LPIN1: variants seen among roughly 807,000 people sequenced by gnomAD.
The protein encoded by LPIN1 is lipin 1.
Under a neutral mutation model 107.5 loss-of-function variants are expected in LPIN1, and 71 were observed. The observed-to-expected ratio is 0.66, with a 90% CI of 0.55 to 0.80. The LOEUF (loss-of-function observed/expected upper bound fraction) is 0.80, where lower values mean the gene tolerates loss of function less well. Among genes scored for constraint, LPIN1 ranks in the 30% least tolerant of loss-of-function variants. LPIN1 has a pLI of 0.00. For synonymous variants in LPIN1, 445 were observed against 452.6 expected, an observed-to-expected ratio of 0.98 and a Z score of 0.21; for missense variants, 1,043 against 1,160.6, an observed-to-expected ratio of 0.90 and a Z score of 1.47.
At position 11,760,708 on chromosome 2, in the gene LPIN1, A is replaced by G. The variant is rs1426558115; in HGVS notation, c.-9-4825A>G. Among the ~76,000 whole-genome samples, 4 of 149,830 alleles carry G rather than the reference A, an allele frequency of 2.7e-5. No individual in the cohort carries two copies. In the East Asian group the frequency reaches 8.2e-4, roughly 31 times the overall value. Reference sequence around the variant, plus strand: ...GGGAGACGGTGGGGAGAGGGAGACCATGGGGAGGGGGAGGGGGAGGTTTCT... The same window carrying G: ...GGGAGACGGTGGGGAGAGGGAGACCGTGGGGAGGGGGAGGGGGAGGTTTCT... On this transcript the variant is annotated intron_variant, in intron 1 of 20. Coordinates refer to ENST00000674199, the MANE Select transcript of LPIN1 (RefSeq NM_001349206.2).
At chr2:11,815,892 A>G (rs2148724185) in intron 18 of LPIN1, among the ~76,000 whole-genome samples, 1 of 152,328 alleles carries the variant, frequency 6.6e-6, no homozygotes, top group East Asian at 1.9e-4. Context: ...AGTTGGAGGA[A>G]GAAAACACTG....
At chr2:11,784,429 G>A (rs917593686) in intron 9 of LPIN1, 90 of 1,117,948 alleles carry the variant, frequency 8.1e-5, no homozygotes, top group Non-Finnish European at 9.6e-5. Flanking sequence ...CTGGACAGGG[G>A]CGCAGCACCG....
upstream of LPIN1, among the ~76,000 whole-genome samples, chr2:11,743,642 T>C (rs994461676): frequency 3.9e-5 from 6 of 152,200 alleles, no homozygotes; most frequent in Non-Finnish European, 7.3e-5. The surrounding 1 kb of genome is among the most constrained non-coding windows in gnomAD (Gnocchi z 4.7). Context: ...CCCCAGGCAC[T>C]GGTGCCAGGG....
Position 11,684,564 on chromosome 2 carries a change from G to A in LPIN1, c.81+6836G>A, listed in dbSNP as rs147474854. Among the ~76,000 whole-genome samples, 443 of 152,306 alleles carry A rather than the reference G, an allele frequency of 2.9e-3. 2 individuals carry two copies. Among genetic ancestry groups the A allele is most frequent in the African/African-American group, 1.0e-2 (415 of 41,556 alleles). ...TTGGTGCCAAAGTTTTCACTGACCC[G>A]TGGTGAACAAAGAAAATAAGACAAT... is the stretch of plus-strand genomic sequence containing the variant. On this transcript the variant is annotated intron_variant, in intron 1 of 21. Transcript: ENST00000449576.
intron 14 of LPIN1, 82 bp downstream of exon 14, chr2:11,795,569 G>T: frequency 8.1e-7 from 1 of 1,231,572 alleles, no homozygotes; most frequent in South Asian, 1.2e-5. Context: ...ATGCAGATAG[G>T]GTTCACCACA....
chr2:11,805,005 C>A, intron 16 of LPIN1, 65 bp from the exon 17 acceptor site: 1 of 918,448 alleles, frequency 1.1e-6, no homozygotes, highest in Non-Finnish European at 1.8e-6. Context: ...TTTTATGAGG[C>A]ATGAATGGTG....
rs369597448 is a variant in LPIN1 at position 11,773,449 on chromosome 2, T to C, written c.597-171T>C. 4.6e-5 allele frequency among the ~76,000 whole-genome samples: 7 copies of C among 152,248 alleles called. No individual in the cohort carries two copies. In the East Asian group the frequency reaches 1.2e-3, roughly 25 times the overall value. The stretch of plus-strand genomic sequence containing the variant: ...AAGCATTAGCACATAGACACGTTTA[T>C]GGATGCCGGTATCTCACTTTTTCCC... On this transcript the variant is annotated intron_variant, in intron 4 of 20. Transcript: ENST00000674199.
rs577002988 is a variant in LPIN1, at chr2:11,771,833, G to A, written c.596+154G>A. Among the ~76,000 whole-genome samples the A allele has an allele frequency of 2.6e-5, 4 of 152,312 alleles. No homozygotes were observed. In the South Asian group the frequency reaches 6.2e-4, roughly 24 times the overall value. On this transcript the variant is annotated intron_variant, in intron 4 of 20. Coordinates refer to ENST00000674199, the MANE Select transcript of LPIN1 (RefSeq NM_001349206.2). This position sits in a 1 kb window ranked among gnomAD's most constrained non-coding sequence, Gnocchi z 4.8. ...TTTTGGCACTAGGGACCAGTTTTGT[G>A]GAAGACAGTGTTTCCATGGACCAGG...
intron 13 of LPIN1, among the ~76,000 whole-genome samples, chr2:11,795,175 T>C (rs1246167524): frequency 2.0e-5 from 3 of 152,104 alleles, no homozygotes; most frequent in Non-Finnish European, 4.4e-5. Flanking sequence ...AACAGATTCG[T>C]TTCTGTCAAA....
intron 7 of LPIN1, 125 bp downstream of exon 7, chr2:11,779,770 T>A: frequency 4.5e-6 from 5 of 1,117,846 alleles, no homozygotes; most frequent in Non-Finnish European, 6.7e-6. Flanking sequence ...CCAAAATATA[T>A]TAAGGGTTAG....
At chr2:11,824,006 A>C (rs926816605) in intron 20 of LPIN1, among the ~76,000 whole-genome samples, 1 of 152,178 alleles carries the variant, frequency 6.6e-6, no homozygotes, top group Non-Finnish European at 1.5e-5. Context: ...TCATTTAGAT[A>C]CATTTGAGCA....
At chr2:11,725,826 G>A (rs1664584968) in intron 1 of LPIN1, among the ~76,000 whole-genome samples, 1 of 152,092 alleles carries the variant, frequency 6.6e-6, no homozygotes, top group East Asian at 1.9e-4. Flanking sequence ...TTTTCTCCCT[G>A]GATTTCTGGC....
chr2:11,690,653 T>G (rs771217375), intron 1 of LPIN1, among the ~76,000 whole-genome samples: 3 of 152,238 alleles, frequency 2.0e-5, no homozygotes, highest in African/African-American at 4.8e-5. Flanking sequence ...CTTAATCTCT[T>G]TGACTTGCTG....
At chr2:11,788,267 T>C in intron 11 of LPIN1, 120 bp from the exon 12 acceptor site, 1 of 730,580 alleles carries the variant, frequency 1.4e-6, no homozygotes, top group South Asian at 1.4e-5. Context: ...AGCAAGAGTA[T>C]TGAGCTCTTT....
intron 1 of LPIN1, among the ~76,000 whole-genome samples, chr2:11,684,782 AG>A (rs1302770804): frequency 6.6e-6 from 1 of 151,994 alleles, no homozygotes; most frequent in African/African-American, 2.4e-5. Flanking sequence ...TAAGATTAAA[AG>A]TTGACAACCT....
rs188677534 is a variant in LPIN1 at position 11,754,223 on chromosome 2, G to A, written c.-10+7552G>A. On this transcript the variant is annotated intron_variant, in intron 1 of 20. Transcript: ENST00000674199. ...GCTGATAACAGGAACACAGATAAGG[G>A]GCACCCCATCCCAGAGTGATATTAG... Among the ~76,000 whole-genome samples, 9 of 152,316 alleles carry A rather than the reference G, an allele frequency of 5.9e-5. No individual in the cohort carries two copies. In the East Asian group the frequency reaches 1.5e-3, roughly 26 times the overall value.
chr2:11,815,285 A>T (rs763756193), intron 18 of LPIN1, 45 bp downstream of exon 18: 1 of 1,610,940 alleles, frequency 6.2e-7, no homozygotes, highest in South Asian at 1.1e-5. Flanking sequence ...GCCTGTTCAG[A>T]CCCGCTCTCT....
At chr2:11,747,457 C>T (rs1160905866) in intron 1 of LPIN1, among the ~76,000 whole-genome samples, 1 of 152,224 alleles carries the variant, frequency 6.6e-6, no homozygotes, top group Non-Finnish European at 1.5e-5. Flanking sequence ...GATGTCAACC[C>T]TGTTTTTGAT....
chr2:11,752,433 A>ATTTTTT lies in LPIN1; in HGVS notation c.-10+5773_-10+5778dup, dbSNP rs34156190. Among the ~76,000 whole-genome samples the ATTTTTT allele has an allele frequency of 6.7e-5, 7 of 103,870 alleles. 1 individual carries two copies. The highest frequency in any genetic ancestry group is 2.8e-4 in the African/African-American group (5 of 17,700). The allele number at this position is 103,870 out of a possible 152,430, so 68.1% of individuals were successfully genotyped here. ...TTTTCTTTTGAGCTGTTCCAAGGCC[A>ATTTTTT]TTTTTTTTTTTTTTTTGAGACGGAG... On this transcript the variant is annotated intron_variant, in intron 1 of 20. Coordinates refer to ENST00000674199, the MANE Select transcript of LPIN1 (RefSeq NM_001349206.2).
Sources: gnomAD v4.1 joint callset for allele counts (sites outside exome capture counted in the v4.1 genomes callset) on GRCh38, gnomAD v4.1.1 for gene constraint, Gnocchi (gnomAD v3.1) non-coding constraint, MANE v1.5 for transcripts, NCBI Gene and HGNC (gene_info 2026-07-23, HGNC 2026-07-21) for gene names.